ATP2B2: variants seen among roughly 807,000 people sequenced by gnomAD.
The protein encoded by ATP2B2 is ATPase plasma membrane Ca2+ transporting 2.
In ATP2B2, 15 loss-of-function variants were observed where a neutral mutation model predicts 120.0. The ratio of observed to expected loss-of-function variants is 0.12; its 90% CI spans 0.08 to 0.19. The LOEUF (loss-of-function observed/expected upper bound fraction) is 0.19, where lower values mean the gene tolerates loss of function less well. ATP2B2 is among the 10% of genes least tolerant of loss of function. The pLI is 1.00. For missense variants in ATP2B2, 1,045 were observed against 1,719.8 expected (o/e 0.61, Z 6.94); for synonymous variants, 694 against 700.3 (o/e 0.99, Z 0.14).
At chr3:10,696,001 C>T (rs1005616176) in intron 1 of ATP2B2, among the ~76,000 whole-genome samples, 1 of 152,194 alleles carries the variant, frequency 6.6e-6, no homozygotes, top group Admixed American at 6.5e-5. Context: ...CAGCCCCCAG[C>T]CACCCACTCT....
chr3:10,548,506 T>A (rs1283517698), intron 2 of ATP2B2, among the ~76,000 whole-genome samples: 5 of 152,154 alleles, frequency 3.3e-5, no homozygotes, highest in African/African-American at 1.2e-4. Flanking sequence ...CAGCTAATGA[T>A]TGATGGGTGT....
chr3:10,600,366 C>T (rs571902025), intron 2 of ATP2B2, among the ~76,000 whole-genome samples: 14 of 152,312 alleles, frequency 9.2e-5, no homozygotes, highest in African/African-American at 3.4e-4. Flanking sequence ...GTGCCCGCCC[C>T]TTGCTCACCA....
At chr3:10,391,849 T>A (rs56178598) in intron 5 of ATP2B2, among the ~76,000 whole-genome samples, 8,355 of 152,298 alleles carry the variant, frequency 0.055, 276 homozygotes, top group South Asian at 0.082. Flanking sequence ...ATGAGACCTC[T>A]GCCTTCTTGG....
At chr3:10,523,898 ACAAAC>A (rs1019373661) in intron 3 of ATP2B2, among the ~76,000 whole-genome samples, 9 of 152,172 alleles carry the variant, frequency 5.9e-5, no homozygotes, top group African/African-American at 2.2e-4. Flanking sequence ...GAGGGAATCT[ACAAAC>A]CAGCTACTTG....
intron 2 of ATP2B2, among the ~76,000 whole-genome samples, chr3:10,542,657 G>A (rs1300009603): frequency 1.3e-5 from 2 of 152,164 alleles, no homozygotes; most frequent in Non-Finnish European, 2.9e-5. Flanking sequence ...ATTTGAGAAA[G>A]GTGCCACTTC....
At chr3:10,668,829 C>T (rs2071017657) in intron 1 of ATP2B2, among the ~76,000 whole-genome samples, 1 of 152,236 alleles carries the variant, frequency 6.6e-6, no homozygotes, top group African/African-American at 2.4e-5. Flanking sequence ...TATCCCCAGC[C>T]CCTAGCATGG....
chr3:10,669,565 C>T (rs760713732), intron 1 of ATP2B2, among the ~76,000 whole-genome samples: 67 of 152,256 alleles, frequency 4.4e-4, no homozygotes, highest in Admixed American at 1.0e-3. Flanking sequence ...GGGCCCCTCC[C>T]GTAGACTCTG....
At chr3:10,679,066 A>C (rs1024707120) in intron 1 of ATP2B2, among the ~76,000 whole-genome samples, 7 of 152,086 alleles carry the variant, frequency 4.6e-5, no homozygotes, top group African/African-American at 1.7e-4. Flanking sequence ...GAATCAATGC[A>C]CCATGAGGTC....
At position 10,393,026 on chromosome 3, in the gene ATP2B2, C is replaced by T. The variant is rs116029760; in HGVS notation, c.782-4624G>A. On this transcript the variant is annotated intron_variant, in intron 5 of 22. Transcript: ENST00000360273. ...CCCAGCTCCACAGTCCTTCACTTGACGGACAGACATGGTGGGGTGTCAACT... is the reference window on the plus strand; with the variant it reads ...CCCAGCTCCACAGTCCTTCACTTGATGGACAGACATGGTGGGGTGTCAACT... Among the ~76,000 whole-genome samples, 1,460 of 152,304 alleles carry T rather than the reference C, an allele frequency of 9.6e-3. 18 individuals carry two copies. The highest frequency in any genetic ancestry group is 0.032 in the African/African-American group (1,335 of 41,566).
upstream of ATP2B2, among the ~76,000 whole-genome samples, chr3:10,508,729 T>G (rs1438708286): frequency 6.6e-6 from 1 of 152,150 alleles, no homozygotes; most frequent in African/African-American, 2.4e-5. Flanking sequence ...CAGGGGGTAT[T>G]GGACAGGCAG....
chr3:10,359,230 G>A (rs1292472492), intron 13 of ATP2B2, among the ~76,000 whole-genome samples: 1 of 152,224 alleles, frequency 6.6e-6, no homozygotes, highest in Non-Finnish European at 1.5e-5. Context: ...GACCCTGCCT[G>A]CACATTAGAA....
intron 2 of ATP2B2, among the ~76,000 whole-genome samples, chr3:10,440,658 G>C (rs1343603277): frequency 6.6e-6 from 1 of 152,214 alleles, no homozygotes; most frequent in Non-Finnish European, 1.5e-5. Context: ...TCACTCAGAG[G>C]AAGCTACTCC....
intron 2 of ATP2B2, among the ~76,000 whole-genome samples, chr3:10,561,247 C>T (rs73811929): frequency 0.056 from 8,483 of 152,246 alleles, 389 homozygotes; most frequent in African/African-American, 0.13. Context: ...ACCTGGTATA[C>T]AGACAGTGCT....
chr3:10,348,896 TGAATAA>T (rs746607863), intron 16 of ATP2B2, among the ~76,000 whole-genome samples: 11 of 152,148 alleles, frequency 7.2e-5, no homozygotes, highest in Non-Finnish European at 1.6e-4. Context: ...AATGAGTGAA[TGAATAA>T]GAATAAGGAT....
At chr3:10,674,271 G>A (rs1078598) in intron 1 of ATP2B2, among the ~76,000 whole-genome samples, 83,399 of 152,014 alleles carry the variant, frequency 0.55, 23,222 homozygotes, top group Non-Finnish European at 0.59. Flanking sequence ...GAGAGCGTGT[G>A]TCTAAAAATG....
intron 2 of ATP2B2, among the ~76,000 whole-genome samples, chr3:10,559,703 G>T (rs1421474316): frequency 6.6e-6 from 1 of 152,194 alleles, no homozygotes; most frequent in African/African-American, 2.4e-5. Context: ...GGAGTATGGA[G>T]ATAATCTGCA....
chr3:10,577,311 A>G (rs1260628779), intron 2 of ATP2B2, among the ~76,000 whole-genome samples: 1 of 152,222 alleles, frequency 6.6e-6, no homozygotes, highest in East Asian at 1.9e-4. Context: ...GGTTCCAGAC[A>G]CTGGCTGAGA....
chr3:10,448,712 C>A (rs1177932159), intron 2 of ATP2B2, among the ~76,000 whole-genome samples: 6 of 152,228 alleles, frequency 3.9e-5, no homozygotes, highest in Admixed American at 1.3e-4. Flanking sequence ...GTCTGCCCAG[C>A]AACCCTAGAG....
At chr3:10,673,552 C>A (rs2071168284) in intron 1 of ATP2B2, among the ~76,000 whole-genome samples, 1 of 151,846 alleles carries the variant, frequency 6.6e-6, no homozygotes, top group Admixed American at 6.6e-5. Flanking sequence ...GTAATCCCAG[C>A]ACTTTGGGAG....
Sources: gnomAD v4.1 joint callset for allele counts (sites outside exome capture counted in the v4.1 genomes callset) on GRCh38, gnomAD v4.1.1 for gene constraint, MANE v1.5 for transcripts, NCBI Gene and HGNC (gene_info 2026-07-23, HGNC 2026-07-21) for gene names.